The following RIMS1 variants were observed in gnomAD, a reference collection of about 807,000 sequenced individuals.
The protein encoded by RIMS1 is regulating synaptic membrane exocytosis 1.
Under a neutral mutation model 214.1 loss-of-function variants are expected in RIMS1, and 83 were observed. The ratio of observed to expected loss-of-function variants is 0.39; its 90% confidence interval spans 0.32 to 0.47. The LOEUF is 0.47. Ranked by LOEUF, RIMS1 falls within the 20% of genes least tolerant of loss-of-function variation. The pLI is 0.99. For synonymous variants in RIMS1, 793 were observed against 786.8 expected, an observed-to-expected ratio of 1.01 and a Z score of -0.13; for missense variants, 2,050 against 2,161.8, an observed-to-expected ratio of 0.95 and a Z score of 1.03.
At chr6:72,039,433 A>G (rs947384018) in intron 2 of RIMS1, among the ~76,000 whole-genome samples, 1 of 152,126 alleles carries the variant, frequency 6.6e-6, no homozygotes, top group African/African-American at 2.4e-5. Flanking sequence ...GAACCTGTGA[A>G]TGGATTGATC....
chr6:71,984,773 ATATC>A (rs70994108), intron 2 of RIMS1, among the ~76,000 whole-genome samples: 42,389 of 146,386 alleles, frequency 0.29, 6,270 homozygotes, highest in Non-Finnish European at 0.32. Flanking sequence ...ATGTATGTAC[ATATC>A]TATCTATCTA....
chr6:72,366,884 A>C (rs1347393099), intron 29 of RIMS1: 5 of 977,140 alleles, frequency 5.1e-6, no homozygotes, highest in Non-Finnish European at 6.1e-6. Context: ...TATGTTCCTT[A>C]TATGTATTTA....
chr6:72,325,529 A>G (rs1239225726), intron 28 of RIMS1, among the ~76,000 whole-genome samples: 1 of 151,484 alleles, frequency 6.6e-6, no homozygotes, highest in African/African-American at 2.4e-5. Flanking sequence ...ATGAAAAGGA[A>G]TTTTATTTTT....
intron 1 of RIMS1, among the ~76,000 whole-genome samples, chr6:71,890,290 T>TA (rs1480958381): frequency 6.7e-6 from 1 of 148,180 alleles, no homozygotes; most frequent in Non-Finnish European, 1.5e-5. Flanking sequence ...ATTTTAAGTT[T>TA]AATGGCCATA....
chr6:72,112,743 ACATCCTTTCTTTTT>A (rs1200267556), intron 4 of RIMS1, among the ~76,000 whole-genome samples: 2 of 152,226 alleles, frequency 1.3e-5, no homozygotes, highest in East Asian at 3.9e-4. Context: ...CAACCATAGA[ACATCCTTTCTTTTT>A]ACCATGTTTG....
At chr6:72,002,111 A>G (rs1805456185) in intron 2 of RIMS1, among the ~76,000 whole-genome samples, 1 of 152,178 alleles carries the variant, frequency 6.6e-6, no homozygotes. Context: ...TCTGGCTCTC[A>G]TCAGTCCGTC....
chr6:72,337,942 A>G (rs566395166), intron 29 of RIMS1, among the ~76,000 whole-genome samples: 101 of 151,902 alleles, frequency 6.6e-4, no homozygotes, highest in Non-Finnish European at 1.1e-3. Flanking sequence ...ATGGCTGCAT[A>G]GTATTCCATG....
intron 24 of RIMS1, among the ~76,000 whole-genome samples, chr6:72,286,318 G>C (rs1261692358): frequency 6.6e-6 from 1 of 152,198 alleles, no homozygotes; most frequent in East Asian, 1.9e-4. Flanking sequence ...GATGATGCCA[G>C]TGTCAGCTGG....
intron 2 of RIMS1, among the ~76,000 whole-genome samples, chr6:72,011,395 A>G (rs529521790): frequency 1.3e-5 from 2 of 152,324 alleles, no homozygotes; most frequent in East Asian, 3.9e-4. Flanking sequence ...AACCTAGGCA[A>G]TACCATTCAA....
chr6:72,090,964 A>C (rs529878361), intron 2 of RIMS1, among the ~76,000 whole-genome samples: 3 of 152,276 alleles, frequency 2.0e-5, no homozygotes, highest in East Asian at 3.9e-4. Context: ...CTAACTTCAT[A>C]AGGACTTGGT....
intron 1 of RIMS1, among the ~76,000 whole-genome samples, chr6:71,966,224 T>C (rs1583665502): frequency 6.6e-6 from 1 of 152,246 alleles, no homozygotes; most frequent in Non-Finnish European, 1.5e-5. Flanking sequence ...GCTACATTGC[T>C]CTATTCTTGA....
At chr6:72,346,558 A>G (rs551906953) in intron 29 of RIMS1, among the ~76,000 whole-genome samples, 23 of 151,892 alleles carry the variant, frequency 1.5e-4, no homozygotes, top group African/African-American at 5.5e-4. Flanking sequence ...ATAATCTGCC[A>G]GACAGAAATC....
At chr6:72,271,287 ATAT>A (rs1469512095) in intron 22 of RIMS1, among the ~76,000 whole-genome samples, 6 of 5,740 alleles carry the variant, frequency 1.0e-3, no homozygotes, top group African/African-American at 3.2e-3. Flanking sequence ...AAAAAAAAAA[ATAT>A]ATATATATAT....
intron 29 of RIMS1, among the ~76,000 whole-genome samples, chr6:72,341,286 C>T (rs1048983170): frequency 1.3e-5 from 2 of 151,890 alleles, no homozygotes; most frequent in African/African-American, 4.8e-5. Context: ...CCTTCTCCTG[C>T]CTGATTGCCC....
At chr6:72,261,421 T>G (rs2077962758) in intron 19 of RIMS1, 4 of 985,458 alleles carry the variant, frequency 4.1e-6, no homozygotes, top group Non-Finnish European at 4.8e-6. Context: ...GATATAATTT[T>G]TGCTTCTAAA....
chr6:71,925,911 A>G (rs1184740479), intron 1 of RIMS1, among the ~76,000 whole-genome samples: 1 of 152,196 alleles, frequency 6.6e-6, no homozygotes, highest in Non-Finnish European at 1.5e-5. Flanking sequence ...TTTTTACTGA[A>G]ATATACATGA....
At chr6:72,117,200 T>C (rs2037258659) in intron 4 of RIMS1, among the ~76,000 whole-genome samples, 1 of 151,964 alleles carries the variant, frequency 6.6e-6, no homozygotes, top group Non-Finnish European at 1.5e-5. Context: ...GGCTAAAAAA[T>C]CTGCATTTCT....
At chr6:72,210,311 G>C (rs2053601716) in intron 6 of RIMS1, among the ~76,000 whole-genome samples, 2 of 152,172 alleles carry the variant, frequency 1.3e-5, no homozygotes, top group African/African-American at 4.8e-5. Context: ...GCTCAAGTAA[G>C]TTTAGCCAGT....
chr6:72,262,179 ATT>A, intron 19 of RIMS1: 2 of 950,602 alleles, frequency 2.1e-6, no homozygotes, highest in South Asian at 4.9e-5. Flanking sequence ...AACTAAAAAT[ATT>A]TTTCTTTCCC....
Sources: allele counts gnomAD v4.1 joint callset (sites outside exome capture counted in the v4.1 genomes callset), GRCh38; gene constraint gnomAD v4.1.1; transcripts MANE v1.5; gene names NCBI Gene and HGNC (gene_info 2026-07-23, HGNC 2026-07-21).